PHKB: variants seen among roughly 807,000 people sequenced by gnomAD.
The protein encoded by PHKB is phosphorylase b kinase regulatory subunit beta.
In PHKB, 122 loss-of-function variants were observed where a neutral mutation model predicts 152.1. That is an observed-to-expected ratio of 0.80 (90% CI 0.69 to 0.93). The LOEUF (loss-of-function observed/expected upper bound fraction) is 0.93. Among genes scored for constraint, PHKB ranks in the 40% least tolerant of loss-of-function variants. The pLI is 0.00. For synonymous variants in PHKB, 436 were observed against 464.9 expected (o/e 0.94, Z 0.80); for missense variants, 1,304 against 1,328.4 (o/e 0.98, Z 0.29).
chr16:47,478,780 T>C (rs72800657), intron 1 of PHKB, among the ~76,000 whole-genome samples: 2,131 of 152,284 alleles, frequency 0.014, 17 homozygotes, highest in Non-Finnish European at 0.022. Flanking sequence ...TTTTGAGCTC[T>C]TTGGTTAAAA....
intron 14 of PHKB, among the ~76,000 whole-genome samples, chr16:47,616,513 A>G (rs1401642971): frequency 2.1e-5 from 3 of 145,900 alleles, no homozygotes; most frequent in African/African-American, 7.4e-5. Flanking sequence ...ATATGTAAAT[A>G]TAAATATATA....
chr16:47,607,775 G>A (rs1972353202), intron 13 of PHKB, among the ~76,000 whole-genome samples: 1 of 152,180 alleles, frequency 6.6e-6, no homozygotes, highest in Non-Finnish European at 1.5e-5. Flanking sequence ...CAAAGCTGCT[G>A]TATCATTTTG....
At chr16:47,651,955 A>G (rs1423280034) in intron 20 of PHKB, among the ~76,000 whole-genome samples, 2 of 151,148 alleles carry the variant, frequency 1.3e-5, no homozygotes, top group Non-Finnish European at 3.0e-5. Context: ...TTAAATTTTC[A>G]TTTTTCATAG....
At chr16:47,666,257 T>C (rs1295678899) in intron 25 of PHKB, among the ~76,000 whole-genome samples, 1 of 152,186 alleles carries the variant, frequency 6.6e-6, no homozygotes, top group Admixed American at 6.5e-5. Flanking sequence ...GCTATAATCT[T>C]CAACTCCTGT....
intron 20 of PHKB, among the ~76,000 whole-genome samples, chr16:47,660,020 C>T (rs893922547): frequency 4.7e-4 from 71 of 152,190 alleles, no homozygotes; most frequent in African/African-American, 9.4e-4. Flanking sequence ...CATGCCACCA[C>T]GCCCAGCTAA....
intron 10 of PHKB, chr16:47,590,660 A>G (rs1177376848): frequency 6.6e-6 from 1 of 152,188 alleles, no homozygotes; most frequent in Non-Finnish European, 1.5e-5. Flanking sequence ...CCAACTTTGG[A>G]TCTGTCCAGC....
At chr16:47,631,806 A>G (rs1972832462) in intron 14 of PHKB, among the ~76,000 whole-genome samples, 5 of 152,054 alleles carry the variant, frequency 3.3e-5, no homozygotes, top group Admixed American at 3.3e-4. Context: ...AGGGACATGA[A>G]CTCATCCTTT....
chr16:47,678,036 C>T (rs1038651793), intron 26 of PHKB, among the ~76,000 whole-genome samples: 3 of 150,608 alleles, frequency 2.0e-5, no homozygotes, highest in South Asian at 2.1e-4. Context: ...TTTTTGTCCT[C>T]GCAATAGTTT....
At chr16:47,495,685 T>C (rs146762532) in intron 1 of PHKB, among the ~76,000 whole-genome samples, 144 of 152,286 alleles carry the variant, frequency 9.5e-4, no homozygotes, top group African/African-American at 3.3e-3. Context: ...GGCATATTAC[T>C]CCTTTCTGAT....
intron 13 of PHKB, among the ~76,000 whole-genome samples, chr16:47,602,428 A>G (rs1972245183): frequency 6.6e-6 from 1 of 152,092 alleles, no homozygotes; most frequent in African/African-American, 2.4e-5. Context: ...TCCTGTAGAA[A>G]TTATATTTTA....
chr16:47,499,767 T>G lies in PHKB; in HGVS notation c.178T>G (p.Leu60Val), dbSNP rs748181833. 24 of 1,614,090 alleles carry G rather than the reference T, an allele frequency of 1.5e-5. No individual in the cohort carries two copies. The highest frequency in any genetic ancestry group is 1.6e-4 in the Middle Eastern group (1 of 6,084). ...GTCCTCAATTGCAGTCAAGTCAACATTGCTGCTGTATCAAAGTCCAACTAC... is the reference window on the plus strand; with the variant it reads ...GTCCTCAATTGCAGTCAAGTCAACAGTGCTGCTGTATCAAAGTCCAACTAC... Reference protein sequence around the residue: ...DHYYRIVKSTLLLYQSPTTGL... With the variant: ...DHYYRIVKSTVLLYQSPTTGL... The change falls in exon 3 of 31, where the codon TTG becomes GTG. Residue 60 changes from leucine (L) to valine (V), a missense_variant. Physicochemically the swap from Leu to Val is conservative, Grantham distance 32. Coordinates refer to ENST00000323584, the MANE Select transcript of PHKB (RefSeq NM_000293.3).
intron 5 of PHKB, among the ~76,000 whole-genome samples, chr16:47,512,195 C>T (rs1970522252): frequency 6.6e-6 from 1 of 152,120 alleles, no homozygotes; most frequent in Non-Finnish European, 1.5e-5. Flanking sequence ...AAATAATTTT[C>T]AAATTACATT....
chr16:47,653,653 C>T (rs919779719), intron 20 of PHKB, among the ~76,000 whole-genome samples: 1 of 151,916 alleles, frequency 6.6e-6, no homozygotes, highest in African/African-American at 2.4e-5. Flanking sequence ...CTTAAGTGTC[C>T]CTCCCATTCC....
intron 27 of PHKB, among the ~76,000 whole-genome samples, chr16:47,690,319 A>G (rs966984458): frequency 7.9e-5 from 12 of 152,226 alleles, no homozygotes; most frequent in South Asian, 2.1e-4. Flanking sequence ...ACAAGAAGAC[A>G]TGGTTAAATT....
In PHKB at chr16:47,492,458, A is replaced by G. The variant is rs1020445000; in HGVS notation, c.77-4941A>G. Among the ~76,000 whole-genome samples, 3 of 152,230 alleles carry G rather than the reference A, an allele frequency of 2.0e-5. No individual in the cohort carries two copies. In the East Asian group the frequency reaches 5.8e-4, roughly 29 times the overall value. Reference sequence around the variant, plus strand: ...AGAAAAAACCAGTTTAAAATGCCTAAAGAGGAACCTCTTATTTTTATGCAA... The same window carrying G: ...AGAAAAAACCAGTTTAAAATGCCTAGAGAGGAACCTCTTATTTTTATGCAA... On this transcript the variant is annotated intron_variant, in intron 1 of 30. Transcript: ENST00000323584.
chr16:47,467,015 CT>C, intron 1 of PHKB, among the ~76,000 whole-genome samples: 1 of 152,078 alleles, frequency 6.6e-6, no homozygotes, highest in African/African-American at 2.4e-5. Context: ...CAGCTTCTTG[CT>C]TTGTAAAAAT....
At chr16:47,585,311 T>A (rs527271461) in intron 8 of PHKB, among the ~76,000 whole-genome samples, 1 of 152,310 alleles carries the variant, frequency 6.6e-6, no homozygotes, top group South Asian at 2.1e-4. Flanking sequence ...TATCCTTAAT[T>A]GGGGAAATCA....
rs13334954 is a variant in PHKB, at chr16:47,652,491, C to T, written c.1971+1570C>T. On this transcript the variant is annotated intron_variant, in intron 20 of 30. Coordinates refer to ENST00000323584, the MANE Select transcript of PHKB (RefSeq NM_000293.3). ...CAAACTGTTTTCCACAGTGGCTAAA[C>T]TAATTGACATTCCCACCAAACAGTG... 4.2e-3 allele frequency among the ~76,000 whole-genome samples: 632 copies of T among 150,880 alleles called. 6 individuals are homozygous for T. The highest frequency in any genetic ancestry group is 0.015 in the African/African-American group (602 of 41,124).
At chr16:47,666,077 G>A (rs938658464) in intron 25 of PHKB, 1 of 1,377,608 alleles carries the variant, frequency 7.3e-7, no homozygotes, top group Admixed American at 1.7e-5. Flanking sequence ...CGGTTGCAAA[G>A]ATTTCTGGCT....
Sources: gnomAD v4.1 joint callset for allele counts (sites outside exome capture counted in the v4.1 genomes callset) on GRCh38, gnomAD v4.1.1 for gene constraint, MANE v1.5 for transcripts, NCBI Gene and HGNC (gene_info 2026-07-23, HGNC 2026-07-21) for gene names.